Variants in GTF2A1L observed in about 807,000 individuals in gnomAD.
GTF2A1L encodes the protein TFIIA-alpha and beta-like factor.
GTF2A1L carries 48 observed loss-of-function variants against 49.7 expected under a neutral mutation model. The ratio of observed to expected loss-of-function variants is 0.97; its 90% CI spans 0.77 to 1.23. The LOEUF is 1.23. Among genes scored for constraint, GTF2A1L ranks in the 50% most tolerant of loss-of-function variants. The pLI is 0.00. For missense variants in GTF2A1L, 736 were observed against 564.8 expected (o/e 1.30, Z -3.07); for synonymous variants, 246 against 193.5 (o/e 1.27, Z -2.25).
chr2:48,679,463 C>A lies in GTF2A1L; in HGVS notation c.*21C>A. 1 of 1,610,584 alleles carries A rather than the reference C, an allele frequency of 6.2e-7. No homozygotes were observed. Among genetic ancestry groups the A allele is most frequent in the Admixed American group, 1.7e-5 (1 of 59,318 alleles). The stretch of plus-strand genomic sequence containing the variant: ...GGTAAACCTTGTGAGCTCAGTACAT[C>A]TATTTTGTGAACATCAGTTGGATTA... On this transcript the variant is annotated 3_prime_UTR_variant, in exon 9 of 9. Transcript: ENST00000403751.
At chr2:48,633,515 A>G (rs1676703430) in intron 3 of GTF2A1L, among the ~76,000 whole-genome samples, 1 of 152,128 alleles carries the variant, frequency 6.6e-6, no homozygotes, top group Non-Finnish European at 1.5e-5. Flanking sequence ...TATGGTTGGT[A>G]TGATAATTTT....
At chr2:48,678,336 G>A (rs752288337) in intron 8 of GTF2A1L, among the ~76,000 whole-genome samples, 4 of 151,936 alleles carry the variant, frequency 2.6e-5, no homozygotes, top group Admixed American at 6.6e-5. Context: ...GCAAGTGACT[G>A]TGCAAGACAA....
chr2:48,676,833 C>CATCTAT lies in GTF2A1L; in HGVS notation c.1330-2481_1330-2476dup, dbSNP rs70946822. Among the ~76,000 whole-genome samples the CATCTAT allele has an allele frequency of 1.6e-3, 237 of 150,970 alleles. 1 individual carries two copies. The highest frequency in any genetic ancestry group is 0.01 in the East Asian group (54 of 5,152). On this transcript the variant is annotated intron_variant, in intron 8 of 8. Coordinates refer to ENST00000403751, the MANE Select transcript of GTF2A1L (RefSeq NM_006872.5). ...TATATATCTATATCTATATCTATATCATCTATATCTATATCTATATCTATA... is the reference window on the plus strand; with the variant it reads ...TATATATCTATATCTATATCTATATCATCTATATCTATATCTATATCTATATCTATA...
chr2:48,662,473 A>C (rs1203985362), intron 6 of GTF2A1L, among the ~76,000 whole-genome samples: 1 of 152,102 alleles, frequency 6.6e-6, no homozygotes, highest in Non-Finnish European at 1.5e-5. Flanking sequence ...GTTTTTATCT[A>C]GGAATGTCTT....
intron 5 of GTF2A1L, among the ~76,000 whole-genome samples, chr2:48,645,527 C>G (rs1481016039): frequency 6.6e-6 from 1 of 152,138 alleles, no homozygotes; most frequent in Non-Finnish European, 1.5e-5. Context: ...ATAGGACATC[C>G]AATAGTTTGG....
At chr2:48,661,778 C>T (rs1012129833) in intron 6 of GTF2A1L, among the ~76,000 whole-genome samples, 2 of 152,126 alleles carry the variant, frequency 1.3e-5, no homozygotes, top group African/African-American at 4.8e-5. Context: ...CTTTTCCCTT[C>T]CAACCTATTC....
intron 8 of GTF2A1L, among the ~76,000 whole-genome samples, chr2:48,678,049 A>T (rs893760383): frequency 1.3e-5 from 2 of 151,510 alleles, no homozygotes; most frequent in African/African-American, 2.4e-5. Flanking sequence ...AGTTTTAAAA[A>T]ATCTAATATG....
At chr2:48,630,564 G>A (rs1230297489) in intron 3 of GTF2A1L, among the ~76,000 whole-genome samples, 1 of 144,000 alleles carries the variant, frequency 6.9e-6, no homozygotes, top group African/African-American at 2.5e-5. Context: ...TGTCAGTGAA[G>A]AGAGATAGTT....
intron 1 of GTF2A1L, among the ~76,000 whole-genome samples, chr2:48,618,320 A>G (rs1421983503): frequency 1.3e-5 from 2 of 152,114 alleles, no homozygotes; most frequent in Non-Finnish European, 2.9e-5. Flanking sequence ...ACCTCCCCAC[A>G]TGTTTTTAGT....
At chr2:48,635,205 A>G (rs1286110826) in intron 3 of GTF2A1L, among the ~76,000 whole-genome samples, 1 of 151,954 alleles carries the variant, frequency 6.6e-6, no homozygotes, top group Non-Finnish European at 1.5e-5. Flanking sequence ...GAATACCTGG[A>G]GATCTGCCTA....
intron 3 of GTF2A1L, chr2:48,633,142 C>T (rs1262964643): frequency 1.2e-5 from 3 of 256,246 alleles, no homozygotes; most frequent in Non-Finnish European, 2.4e-5. Context: ...TGGTTCATGA[C>T]AGTATCAACA....
chr2:48,627,117 G>T (rs919601430), intron 3 of GTF2A1L, among the ~76,000 whole-genome samples: 1 of 143,444 alleles, frequency 7.0e-6, no homozygotes, highest in Non-Finnish European at 1.6e-5. Context: ...TTTTATATCT[G>T]TTCCTAAATT....
chr2:48,670,027 C>G (rs776111836), intron 7 of GTF2A1L, 45 bp downstream of exon 7: 3 of 1,556,128 alleles, frequency 1.9e-6, no homozygotes. Flanking sequence ...TAATTTATAA[C>G]ATTTCTACTT....
chr2:48,671,836 C>T (rs1330432449), intron 8 of GTF2A1L, among the ~76,000 whole-genome samples, 156 bp downstream of exon 8: 2 of 152,088 alleles, frequency 1.3e-5, no homozygotes, highest in South Asian at 2.1e-4. Context: ...TTGGGTCTAG[C>T]GCTGTGCTAT....
intron 6 of GTF2A1L, among the ~76,000 whole-genome samples, chr2:48,648,781 T>A (rs1223237295): frequency 1.3e-5 from 2 of 152,118 alleles, no homozygotes; most frequent in Non-Finnish European, 2.9e-5. Flanking sequence ...TGTAACTTGT[T>A]TGTTAGTTTT....
At chr2:48,620,513 C>G (rs1675923161) in intron 1 of GTF2A1L, among the ~76,000 whole-genome samples, 1 of 152,198 alleles carries the variant, frequency 6.6e-6, no homozygotes. Context: ...GGTGTGGTGG[C>G]TCATGCCTGT....
chr2:48,641,393 G>A (rs898972498), intron 3 of GTF2A1L, among the ~76,000 whole-genome samples: 1 of 152,138 alleles, frequency 6.6e-6, no homozygotes, highest in South Asian at 2.1e-4. Flanking sequence ...TTAAAAAAAT[G>A]TTTGCTTTTA....
rs545455785 is a variant in GTF2A1L at position 48,675,728 on chromosome 2, G to A, written c.1330-3607G>A. Among the ~76,000 whole-genome samples, 4 of 151,924 alleles carry A rather than the reference G, an allele frequency of 2.6e-5. No individual in the cohort carries two copies. In the East Asian group the frequency reaches 5.8e-4, roughly 22 times the overall value. On this transcript the variant is annotated intron_variant, in intron 8 of 8. Coordinates refer to ENST00000403751, the MANE Select transcript of GTF2A1L (RefSeq NM_006872.5). The stretch of plus-strand genomic sequence containing the variant: ...AACCATTTGAATATCCTATATCTTC[G>A]TTTGACAGTTTAGCAGACTTGCTTA...
intron 4 of GTF2A1L, among the ~76,000 whole-genome samples, 190 bp downstream of exon 4, chr2:48,642,647 G>C (rs1677263228): frequency 6.6e-6 from 1 of 152,156 alleles, no homozygotes; most frequent in Non-Finnish European, 1.5e-5. Context: ...CTGAGATCAG[G>C]AGTTTGAGAC....
Sources: gnomAD v4.1 joint callset for allele counts (sites outside exome capture counted in the v4.1 genomes callset) on GRCh38, gnomAD v4.1.1 for gene constraint, MANE v1.5 for transcripts, NCBI Gene and HGNC (gene_info 2026-07-23, HGNC 2026-07-21) for gene names.